The following MATN2 variants were observed in gnomAD, a reference collection of about 807,000 sequenced individuals.
MATN2 encodes matrilin 2.
Under a neutral mutation model 103.2 loss-of-function variants are expected in MATN2, and 69 were observed. The observed-to-expected ratio is 0.67, with a 90% CI of 0.55 to 0.82. The LOEUF is 0.82. Ranked by LOEUF, MATN2 falls within the 40% of genes least tolerant of loss-of-function variation. The probability of loss-of-function intolerance (pLI) is 0.00; values close to 1 mark genes in which losing one functional copy is unlikely to be tolerated. For missense variants in MATN2, 1,023 were observed against 1,211.5 expected, an observed-to-expected ratio of 0.84 and a Z score of 2.31; for synonymous variants, 429 against 450.2, an observed-to-expected ratio of 0.95 and a Z score of 0.60.
Position 97,999,943 on chromosome 8 carries a change from C to T in MATN2, c.1205-3718C>T, listed in dbSNP as rs145238533. 7.5e-4 allele frequency among the ~76,000 whole-genome samples: 114 copies of T among 151,018 alleles called. 3 individuals are homozygous for T. The East Asian group carries it at 0.019, about 25-fold the overall frequency. ...TCACCCAGGCTGGAATACAGTGGCG[C>T]GATCTTGGCTCACTGCAACCTCCAT... On this transcript the variant is annotated intron_variant, in intron 7 of 18. Coordinates refer to ENST00000254898, the MANE Select transcript of MATN2 (RefSeq NM_002380.5).
chr8:97,922,650 T>C (rs1213203101), intron 2 of MATN2, among the ~76,000 whole-genome samples: 2 of 152,170 alleles, frequency 1.3e-5, no homozygotes, highest in Non-Finnish European at 2.9e-5. Flanking sequence ...AGGGCCAGAA[T>C]TGATTAACAA....
At chr8:98,022,810 G>A (rs575151200) in intron 13 of MATN2, among the ~76,000 whole-genome samples, 110 of 152,276 alleles carry the variant, frequency 7.2e-4, no homozygotes, top group Middle Eastern at 6.8e-3. Flanking sequence ...AATCTCGGCC[G>A]GGCGCTATGG....
intron 2 of MATN2, among the ~76,000 whole-genome samples, chr8:97,901,986 G>A (rs1251861289): frequency 6.6e-6 from 1 of 151,892 alleles, no homozygotes; most frequent in African/African-American, 2.4e-5. Flanking sequence ...ATAAATTATA[G>A]CTCATAATAC....
chr8:98,032,440 T>TC, intron 16 of MATN2, 123 bp downstream of exon 16: 1 of 710,270 alleles, frequency 1.4e-6, no homozygotes. Flanking sequence ...AGGCCTTTTT[T>TC]CCCTCAAAAA....
At chr8:97,943,322 GC>G (rs5893439) in intron 4 of MATN2, among the ~76,000 whole-genome samples, 147,402 of 151,668 alleles carry the variant, frequency 0.97, 71,726 homozygotes, top group Non-Finnish European at 1. Context: ...CCTCCCCTCT[GC>G]CCCGGATGCT....
At chr8:97,871,018 T>C (rs1195461453) in intron 1 of MATN2, among the ~76,000 whole-genome samples, 1 of 152,214 alleles carries the variant, frequency 6.6e-6, no homozygotes, top group Admixed American at 6.5e-5. Flanking sequence ...GGGTTTCTTG[T>C]TCCCAGGCAA....
intron 6 of MATN2, among the ~76,000 whole-genome samples, chr8:97,981,826 T>A (rs1293896892): frequency 6.6e-6 from 1 of 152,006 alleles, no homozygotes; most frequent in East Asian, 1.9e-4. Flanking sequence ...CTGTCCCAGA[T>A]CCCCAGCCCA....
At chr8:98,010,620 C>T (rs1813127898) in intron 10 of MATN2, among the ~76,000 whole-genome samples, 2 of 152,174 alleles carry the variant, frequency 1.3e-5, no homozygotes, top group African/African-American at 4.8e-5. Flanking sequence ...ACTGAGGAGA[C>T]TCAGAAGGTA....
rs577816883 is a variant in MATN2 at position 97,969,750 on chromosome 8, G to A, written c.958+8220G>A. ...CATCAACTTGAGTCACAGATTCACC[G>A]CTGCAAACATTTCAGAACTCTGCCA... On this transcript the variant is annotated intron_variant, in intron 5 of 18. Transcript: ENST00000254898. 7.9e-5 allele frequency among the ~76,000 whole-genome samples: 12 copies of A among 152,294 alleles called. No individual in the cohort carries two copies. In the South Asian group the frequency reaches 1.0e-3, roughly 13 times the overall value.
chr8:97,903,735 T>G (rs1011395311), intron 2 of MATN2, among the ~76,000 whole-genome samples: 4 of 152,120 alleles, frequency 2.6e-5, no homozygotes, highest in Admixed American at 6.6e-5. Flanking sequence ...GGGGTCAGAA[T>G]ATTAGAGGAG....
At chr8:97,958,061 C>G (rs375796817) in intron 4 of MATN2, among the ~76,000 whole-genome samples, 46 of 152,326 alleles carry the variant, frequency 3.0e-4, no homozygotes, top group African/African-American at 1.0e-3. Flanking sequence ...AAAGATTGTT[C>G]CTTCAAGGTC....
chr8:97,992,388 A>C (rs111827842), intron 6 of MATN2, among the ~76,000 whole-genome samples: 2,212 of 152,290 alleles, frequency 0.015, 46 homozygotes, highest in African/African-American at 0.049. Flanking sequence ...TGGTATTACA[A>C]TTATATTGTT....
intron 6 of MATN2, among the ~76,000 whole-genome samples, chr8:97,979,751 T>G (rs906658443): frequency 1.3e-5 from 2 of 152,074 alleles, no homozygotes; most frequent in African/African-American, 4.8e-5. Flanking sequence ...TTATAAAAAG[T>G]GGACTTTAAT....
chr8:98,029,550 A>C (rs1563736620), intron 14 of MATN2, among the ~76,000 whole-genome samples: 2 of 152,230 alleles, frequency 1.3e-5, no homozygotes, highest in South Asian at 4.1e-4. Flanking sequence ...TAGCAAACAG[A>C]ATCTTAAAAT....
chr8:97,907,312 C>CTT, intron 2 of MATN2, among the ~76,000 whole-genome samples: 1 of 117,744 alleles, frequency 8.5e-6, no homozygotes, highest in East Asian at 2.6e-4. Flanking sequence ...TCATAGCTCA[C>CTT]TTTTTTTTTT....
In MATN2 at chr8:97,965,256, G is replaced by T. The variant is rs533392498; in HGVS notation, c.958+3726G>T. Among the ~76,000 whole-genome samples, 74 of 152,266 alleles carry T rather than the reference G, an allele frequency of 4.9e-4. 1 individual carries two copies. In the South Asian group the frequency reaches 0.015, roughly 30 times the overall value. Reference sequence around the variant, plus strand: ...TTGTTCAGGGCTTTGAAAATCAGACGTAAAGCCTAGATTTTATCTCTGAAA... The same window carrying T: ...TTGTTCAGGGCTTTGAAAATCAGACTTAAAGCCTAGATTTTATCTCTGAAA... On this transcript the variant is annotated intron_variant, in intron 5 of 18. Transcript: ENST00000254898.
At chr8:97,880,032 A>C (rs1308801914) in intron 1 of MATN2, among the ~76,000 whole-genome samples, 1 of 152,258 alleles carries the variant, frequency 6.6e-6, no homozygotes, top group South Asian at 2.1e-4. Context: ...ATCTTTGGCA[A>C]AACTATTGAG....
Position 97,988,624 on chromosome 8 carries a change from C to T in MATN2, c.1082-5856C>T, listed in dbSNP as rs186916961. On this transcript the variant is annotated intron_variant, in intron 6 of 18. Coordinates refer to ENST00000254898, the MANE Select transcript of MATN2 (RefSeq NM_002380.5). ...CTGGGCAACAGAGTGAGACTCTCTC[C>T]CCAGACCGACCAAAAACAAAAGAAT... 2.6e-5 allele frequency among the ~76,000 whole-genome samples: 4 copies of T among 152,002 alleles called. No homozygotes were observed. The East Asian group carries it at 7.7e-4, about 29-fold the overall frequency.
intron 14 of MATN2, 98 bp from the exon 15 acceptor site, chr8:98,030,364 A>T (rs1813969107): frequency 3.4e-6 from 3 of 881,712 alleles, no homozygotes; most frequent in African/African-American, 3.4e-5. Flanking sequence ...AAATCATACC[A>T]CTTAACATCT....
Sources: allele counts gnomAD v4.1 joint callset (sites outside exome capture counted in the v4.1 genomes callset), GRCh38; gene constraint gnomAD v4.1.1; transcripts MANE v1.5; gene names NCBI Gene and HGNC (gene_info 2026-07-23, HGNC 2026-07-21).